CADPS: variants seen among roughly 807,000 people sequenced by gnomAD.
The protein encoded by CADPS is calcium dependent secretion activator.
Under a neutral mutation model 167.3 loss-of-function variants are expected in CADPS, and 57 were observed. The observed-to-expected ratio is 0.34, with a 90% CI of 0.28 to 0.42. The LOEUF is 0.42. Among genes scored for constraint, CADPS ranks in the 20% least tolerant of loss-of-function variants. The pLI, the probability that CADPS is intolerant of heterozygous loss-of-function variation, is 1.00. For missense variants in CADPS, 1,414 were observed against 1,738.1 expected (o/e 0.81, Z 3.32); for synonymous variants, 676 against 635.3 (o/e 1.06, Z -0.96).
chr3:62,474,416 G>T (rs2061008070), intron 23 of CADPS, 96 bp from the exon 24 acceptor site: 1 of 1,133,180 alleles, frequency 8.8e-7, no homozygotes, highest in Non-Finnish European at 1.3e-6. Flanking sequence ...GAAAATTGAA[G>T]GCTGTAATCA....
chr3:62,585,491 T>G (rs529764907), intron 7 of CADPS, among the ~76,000 whole-genome samples, 167 bp from the exon 8 acceptor site: 2 of 152,370 alleles, frequency 1.3e-5, no homozygotes, highest in East Asian at 3.9e-4. Context: ...GCTAATTTTG[T>G]AAAAGTAAAG....
chr3:62,856,573 C>T (rs2079728263), intron 1 of CADPS, among the ~76,000 whole-genome samples: 1 of 151,946 alleles, frequency 6.6e-6, no homozygotes, highest in Non-Finnish European at 1.5e-5. Flanking sequence ...GGAACTTTAT[C>T]AATGTAGCCA....
At chr3:62,674,800 G>A (rs998956732) in intron 3 of CADPS, among the ~76,000 whole-genome samples, 1 of 152,028 alleles carries the variant, frequency 6.6e-6, no homozygotes, top group Admixed American at 6.6e-5. Context: ...CTTATTTGTT[G>A]GACTATATAG....
chr3:62,417,840 C>A (rs1213453317), intron 28 of CADPS, among the ~76,000 whole-genome samples: 1 of 131,642 alleles, frequency 7.6e-6, no homozygotes, highest in Non-Finnish European at 1.7e-5. Context: ...CTAAAACAAA[C>A]AAACAAACAA....
At chr3:62,838,623 G>T (rs1177308996) in intron 1 of CADPS, among the ~76,000 whole-genome samples, 2 of 152,162 alleles carry the variant, frequency 1.3e-5, no homozygotes, top group Admixed American at 1.3e-4. Context: ...ATTTCTAACT[G>T]TGTAATTGTT....
At position 62,774,915 on chromosome 3, in the gene CADPS, G is replaced by A. The variant is rs184619453; in HGVS notation, c.442-8931C>T. On this transcript the variant is annotated intron_variant, in intron 1 of 29. Transcript: ENST00000383710. ...AGTGGTGGTATTTTCTTGAAAGTTAGATGCACTGTAAAATCAGACACCATG... is the reference window on the plus strand; with the variant it reads ...AGTGGTGGTATTTTCTTGAAAGTTAAATGCACTGTAAAATCAGACACCATG... 2.0e-5 allele frequency among the ~76,000 whole-genome samples: 3 copies of A among 152,294 alleles called. No homozygotes were observed. In the East Asian group the frequency reaches 5.8e-4, roughly 29 times the overall value.
chr3:62,637,635 T>G (rs886467980), intron 6 of CADPS, among the ~76,000 whole-genome samples: 18 of 152,202 alleles, frequency 1.2e-4, no homozygotes, highest in Admixed American at 3.3e-4. Flanking sequence ...GGAAAGGAAA[T>G]GCACGCTTTT....
At chr3:62,405,363 C>G (rs960798254) in intron 28 of CADPS, among the ~76,000 whole-genome samples, 1 of 150,898 alleles carries the variant, frequency 6.6e-6, no homozygotes, top group Non-Finnish European at 1.5e-5. Context: ...TGACAACAGG[C>G]AAACCGGCGC....
chr3:62,532,520 C>G (rs2073910907), intron 13 of CADPS, among the ~76,000 whole-genome samples: 1 of 152,038 alleles, frequency 6.6e-6, no homozygotes, highest in African/African-American at 2.4e-5. Flanking sequence ...TCTCAACAAC[C>G]CCAGGGGTAT....
At chr3:62,567,463 C>T (rs1167968797) in intron 9 of CADPS, among the ~76,000 whole-genome samples, 1 of 149,634 alleles carries the variant, frequency 6.7e-6, no homozygotes, top group Non-Finnish European at 1.5e-5. Context: ...CACAGTCTAT[C>T]GGGGAGGCCA....
At chr3:62,423,481 C>T (rs1345219016) in intron 28 of CADPS, among the ~76,000 whole-genome samples, 2 of 152,160 alleles carry the variant, frequency 1.3e-5, no homozygotes, top group Non-Finnish European at 2.9e-5. Flanking sequence ...ACATAGCACT[C>T]AGTATAGTGG....
In CADPS at chr3:62,685,605, C is replaced by T. The variant is rs138593522; in HGVS notation, c.889-23211G>A. Among the ~76,000 whole-genome samples the T allele has an allele frequency of 4.9e-3, 711 of 145,316 alleles. 13 individuals carry two copies. Among genetic ancestry groups the T allele is most frequent in the African/African-American group, 0.017 (674 of 39,018 alleles). Reference sequence around the variant, plus strand: ...AATTACAGCTAGATAGGAGAAATAACTTCTAGTGTTTTATAGCAGCGGTCC... The same window carrying T: ...AATTACAGCTAGATAGGAGAAATAATTTCTAGTGTTTTATAGCAGCGGTCC... On this transcript the variant is annotated intron_variant, in intron 3 of 29. Coordinates refer to ENST00000383710, the MANE Select transcript of CADPS (RefSeq NM_003716.4).
intron 6 of CADPS, among the ~76,000 whole-genome samples, chr3:62,609,197 T>C (rs1348270135): frequency 1.3e-5 from 2 of 151,684 alleles, no homozygotes; most frequent in East Asian, 3.9e-4. Flanking sequence ...CAAATGTTAG[T>C]TGATCTTTTT....
chr3:62,688,016 T>G (rs566415478), intron 3 of CADPS, among the ~76,000 whole-genome samples: 4 of 152,212 alleles, frequency 2.6e-5, no homozygotes, highest in Admixed American at 2.6e-4. Flanking sequence ...AGCATGTGCT[T>G]TGCTAGGTGC....
chr3:62,674,630 C>T (rs1273491810), intron 3 of CADPS, among the ~76,000 whole-genome samples: 2 of 151,940 alleles, frequency 1.3e-5, no homozygotes, highest in African/African-American at 4.8e-5. Context: ...AAAGAGTAAG[C>T]GGCCAAATTC....
intron 6 of CADPS, among the ~76,000 whole-genome samples, chr3:62,621,755 G>A (rs1180447715): frequency 3.3e-5 from 5 of 151,726 alleles, no homozygotes; most frequent in African/African-American, 9.7e-5. Flanking sequence ...TCTACCCTCC[G>A]ATAGGCCCCA....
chr3:62,518,300 A>G (rs370354423), intron 13 of CADPS, 50 bp from the exon 14 acceptor site: 40 of 1,285,470 alleles, frequency 3.1e-5, no homozygotes, highest in Middle Eastern at 1.8e-4. Flanking sequence ...TGCTGACACC[A>G]TCAAATCAAA....
intron 3 of CADPS, among the ~76,000 whole-genome samples, chr3:62,663,512 A>C (rs2150526422): frequency 6.6e-6 from 1 of 151,700 alleles, no homozygotes; most frequent in Admixed American, 6.6e-5. Context: ...TTTAGTATAT[A>C]TTAATTCAAA....
At chr3:62,787,910 C>T (rs534536873) in intron 1 of CADPS, among the ~76,000 whole-genome samples, 1 of 152,326 alleles carries the variant, frequency 6.6e-6, no homozygotes, top group Non-Finnish European at 1.5e-5. Flanking sequence ...TCATTGCCCT[C>T]ATCCTTGTCA....
Sources: gnomAD v4.1 joint callset for allele counts (sites outside exome capture counted in the v4.1 genomes callset) on GRCh38, gnomAD v4.1.1 for gene constraint, MANE v1.5 for transcripts, NCBI Gene and HGNC (gene_info 2026-07-23, HGNC 2026-07-21) for gene names.